NGEF: variants seen among roughly 807,000 people sequenced by gnomAD.
The protein encoded by NGEF is ephexin-1.
Under a neutral mutation model 80.9 loss-of-function variants are expected in NGEF, and 31 were observed. The ratio of observed to expected loss-of-function variants is 0.38; its 90% CI spans 0.29 to 0.52. The LOEUF (loss-of-function observed/expected upper bound fraction) is 0.52. NGEF is among the 20% of genes least tolerant of loss of function. NGEF has a pLI of 0.84. For missense variants in NGEF, 709 were observed against 926.2 expected, an observed-to-expected ratio of 0.77 and a Z score of 3.04; for synonymous variants, 371 against 370.2, an observed-to-expected ratio of 1.00 and a Z score of -0.03.
intron 9 of NGEF, among the ~76,000 whole-genome samples, chr2:232,886,480 T>C (rs1257130168): frequency 1.3e-5 from 2 of 152,236 alleles, no homozygotes; most frequent in Non-Finnish European, 2.9e-5. Flanking sequence ...GGCGTCTGTT[T>C]AGGGCGAGCT....
Position 232,900,382 on chromosome 2 carries a change from GCT to G in NGEF, c.829-5468_829-5467del, listed in dbSNP as rs1442144545. 6.2e-5 allele frequency among the ~76,000 whole-genome samples: 5 copies of G among 80,064 alleles called. 1 individual carries two copies. The highest frequency in any genetic ancestry group is 4.7e-4 in the South Asian group (1 of 2,130). 52.5% of individuals were successfully genotyped at this position (80,064 alleles called of 152,430 possible). On this transcript the variant is annotated intron_variant, in intron 5 of 14. Coordinates refer to ENST00000264051, the MANE Select transcript of NGEF (RefSeq NM_019850.3). ...CACTCACATTCACTTACACACACAC[GCT>G]CTCACAGTCACTCATATACACGTTC... is the stretch of plus-strand genomic sequence containing the variant.
At chr2:232,936,079 A>AG (rs536718743) in intron 3 of NGEF, among the ~76,000 whole-genome samples, 12 of 152,332 alleles carry the variant, frequency 7.9e-5, no homozygotes, top group Admixed American at 1.3e-4. Flanking sequence ...AGTGAGGAAA[A>AG]GGGTAGGATA....
chr2:232,990,726 G>C (rs185100648), intron 1 of NGEF, among the ~76,000 whole-genome samples: 9 of 152,030 alleles, frequency 5.9e-5, no homozygotes, highest in Admixed American at 5.2e-4. Context: ...TATAGAAGAG[G>C]CCTCACAAAC....
In NGEF at chr2:232,900,613, T is replaced by TTC. The variant is rs71058509; in HGVS notation, c.829-5698_829-5697insGA. The stretch of plus-strand genomic sequence containing the variant: ...TCACTCATATACACGTTCACTCACA[T>TTC]ACACACACGCTCTCACAGTCACTCA... On this transcript the variant is annotated intron_variant, in intron 5 of 14. Coordinates refer to ENST00000264051, the MANE Select transcript of NGEF (RefSeq NM_019850.3). Among the ~76,000 whole-genome samples the TTC allele has an allele frequency of 2.1e-3, 78 of 37,726 alleles. 7 individuals carry two copies. The highest frequency in any genetic ancestry group is 5.2e-3 in the South Asian group (4 of 772). The allele number at this position is 37,726 out of a possible 152,430, so 24.7% of individuals were successfully genotyped here. A position where few individuals can be genotyped will look rare whatever the true frequency, so the allele number is the denominator to read the frequency against.
intron 3 of NGEF, chr2:232,928,207 G>A (rs1315133464): frequency 6.2e-6 from 6 of 972,846 alleles, no homozygotes; most frequent in Admixed American, 1.3e-4. Flanking sequence ...CAACGAGGGA[G>A]GCGGGAGGGG....
chr2:232,960,931 T>C (rs1328400613), intron 3 of NGEF, among the ~76,000 whole-genome samples: 1 of 152,196 alleles, frequency 6.6e-6, no homozygotes, highest in Non-Finnish European at 1.5e-5. Flanking sequence ...ACAGTGAGTG[T>C]AAAGGTGCTT....
In NGEF at chr2:232,984,793, T is replaced by C. The variant is rs61419985; in HGVS notation, c.-74-9829A>G. Among the ~76,000 whole-genome samples the C allele has an allele frequency of 0.017, 2,631 of 152,274 alleles. 138 individuals carry two copies. The East Asian group carries it at 0.2, about 12-fold the overall frequency. Reference sequence around the variant, plus strand: ...TTCTAAAAAGTTAAACGTTTTATTTTATATTTACAAAAAAGCTGCGGATGA... The same window carrying C: ...TTCTAAAAAGTTAAACGTTTTATTTCATATTTACAAAAAAGCTGCGGATGA... On this transcript the variant is annotated intron_variant, in intron 1 of 14. Transcript: ENST00000264051.
rs146081416 is a variant in NGEF, at chr2:232,974,738, T to G, written c.153A>C (p.Lys51Asn). 132 of 1,614,128 alleles carry G rather than the reference T, an allele frequency of 8.2e-5. No individual in the cohort carries two copies. Among genetic ancestry groups the G allele is most frequent in the African/African-American group, 5.2e-4 (39 of 74,936 alleles). The change falls in exon 2 of 15, where the codon AAA (lysine) becomes AAC (asparagine). Residue 51 changes from lysine to asparagine, a missense_variant. Lys to Asn is a moderately conservative substitution (Grantham distance 94). Around this residue, in one of 2 missense-constraint regions of NGEF, gnomAD observed 283 missense variants for 303.4 expected, o/e 0.93. Coordinates refer to ENST00000264051, the MANE Select transcript of NGEF (RefSeq NM_019850.3). The part of the protein sequence containing the change: ...TSQADQDIQD[K>N]EPHCHIPIKR... ...TAATTGGGATGTGGCAATGAGGCTC[T>G]TTGTCTTGGATATCCTGGTCAGCTT...
intron 1 of NGEF, among the ~76,000 whole-genome samples, chr2:233,001,192 G>A (rs533459680): frequency 6.6e-6 from 1 of 152,346 alleles, no homozygotes; most frequent in East Asian, 1.9e-4. Context: ...CCGGAGATGA[G>A]GATTGGAGTG....
intron 1 of NGEF, among the ~76,000 whole-genome samples, chr2:233,010,754 G>C (rs954952576): frequency 6.6e-6 from 1 of 152,156 alleles, no homozygotes; most frequent in Non-Finnish European, 1.5e-5. Context: ...GGTCTCCCAC[G>C]GCCCTGGCCT....
intron 3 of NGEF, among the ~76,000 whole-genome samples, chr2:232,964,482 C>T (rs1694017312): frequency 6.6e-6 from 1 of 152,162 alleles, no homozygotes; most frequent in African/African-American, 2.4e-5. Context: ...GCCTTGAGGT[C>T]AGGAGTTCGA....
At chr2:232,931,150 A>G (rs1375675811) in intron 3 of NGEF, among the ~76,000 whole-genome samples, 1 of 152,244 alleles carries the variant, frequency 6.6e-6, no homozygotes, top group Non-Finnish European at 1.5e-5. Flanking sequence ...ACAGGTCCCA[A>G]GTAAGTTTAA....
At chr2:233,000,707 C>G (rs1332892921) in intron 1 of NGEF, among the ~76,000 whole-genome samples, 3 of 151,470 alleles carry the variant, frequency 2.0e-5, no homozygotes, top group African/African-American at 7.3e-5. Flanking sequence ...TTGCAGTGAG[C>G]CGAGATCGCG....
At chr2:232,968,559 C>T (rs1275838152) in intron 3 of NGEF, among the ~76,000 whole-genome samples, 1 of 151,990 alleles carries the variant, frequency 6.6e-6, no homozygotes, top group Non-Finnish European at 1.5e-5. Flanking sequence ...CATGCACCAT[C>T]ACATGTGGCT....
At position 232,883,392 on chromosome 2, in the gene NGEF, G is replaced by C. The variant is rs1206061955; in HGVS notation, c.1676C>G (p.Thr559Arg). 1 of 1,612,312 alleles carries C rather than the reference G, an allele frequency of 6.2e-7. No homozygotes were observed. The highest frequency in any genetic ancestry group is 2.2e-5 in the East Asian group (1 of 44,814). The change falls in exon 12 of 15, where the codon ACG (threonine) becomes AGG (arginine). Residue 559 changes from threonine (T) to arginine (R), a missense_variant. Thr to Arg is a moderately conservative substitution (Grantham distance 71). This residue lies in a region of NGEF where 426 missense variants were observed against 622.9 expected (regional missense o/e 0.68). Transcript: ENST00000264051. The stretch of plus-strand genomic sequence containing the variant: ...CCGCAGGATGAACACGTTGGCCAGC[G>C]TCTGGCCCTGGTCCTCCAGCTCCTC... ...RVEELEDQGQTLANVFILRLL... is the reference protein window; with the variant it reads ...RVEELEDQGQRLANVFILRLL...
chr2:232,887,294 G>C (rs1379874988), intron 9 of NGEF, among the ~76,000 whole-genome samples: 3 of 152,208 alleles, frequency 2.0e-5, no homozygotes, highest in Admixed American at 2.0e-4. Flanking sequence ...AAGAGCTCCT[G>C]AGGACTGAAA....
chr2:232,998,918 G>T (rs1694912092), intron 1 of NGEF, among the ~76,000 whole-genome samples: 1 of 152,164 alleles, frequency 6.6e-6, no homozygotes, highest in Admixed American at 6.5e-5. Context: ...TCAATATGGG[G>T]TCCTCAGTGG....
chr2:232,892,876 G>A lies in NGEF; in HGVS notation c.1142+22C>T. The A allele has an allele frequency of 6.2e-7, 1 of 1,609,388 alleles. No homozygotes were observed. Among genetic ancestry groups the A allele is most frequent in the Non-Finnish European group, 8.5e-7 (1 of 1,177,404 alleles). ...CCCGGGCACCTCCCCCTGCCCCTGA[G>A]CCCCTTGCCGGATACACTCACAGCA... On this transcript the variant is annotated intron_variant, in intron 7 of 14. Transcript: ENST00000264051. The surrounding 1 kb of genome is among the most constrained non-coding windows in gnomAD (Gnocchi z 4.0).
chr2:232,906,861 C>G (rs180807655), intron 5 of NGEF, among the ~76,000 whole-genome samples: 1,661 of 151,694 alleles, frequency 0.011, 13 homozygotes, highest in Non-Finnish European at 0.019. Flanking sequence ...GCCTTGGGAT[C>G]CTGTTGATCT....
Sources: gnomAD v4.1 joint callset for allele counts (sites outside exome capture counted in the v4.1 genomes callset) on GRCh38, gnomAD v4.1.1 for gene constraint, gnomAD v4.1.1 regional missense constraint, Gnocchi (gnomAD v3.1) non-coding constraint, MANE v1.5 for transcripts, NCBI Gene and HGNC (gene_info 2026-07-23, HGNC 2026-07-21) for gene names.